KALRN: variants seen among roughly 807,000 people sequenced by gnomAD.
The protein encoded by KALRN is kalirin RhoGEF kinase, also known as kalirin.
In KALRN, 70 loss-of-function variants were observed where a neutral mutation model predicts 353.7. The ratio of observed to expected loss-of-function variants is 0.20; its 90% CI spans 0.16 to 0.24. The LOEUF is 0.24. KALRN is among the 10% of genes least tolerant of loss of function. The pLI is 1.00. For synonymous variants in KALRN, 1,391 were observed against 1,434.8 expected, an observed-to-expected ratio of 0.97 and a Z score of 0.69; for missense variants, 2,791 against 3,756.7, an observed-to-expected ratio of 0.74 and a Z score of 6.72.
chr3:124,062,677 A>G (rs145118463), intron 1 of KALRN, among the ~76,000 whole-genome samples: 213 of 152,320 alleles, frequency 1.4e-3, no homozygotes, highest in African/African-American at 5.0e-3. Flanking sequence ...TTTTAAAGTC[A>G]CGTGCTTCCT....
At chr3:124,652,854 G>A (rs1282850565) in intron 38 of KALRN, among the ~76,000 whole-genome samples, 2 of 152,242 alleles carry the variant, frequency 1.3e-5, no homozygotes, top group African/African-American at 2.4e-5. Context: ...TGGGATTACA[G>A]GCGTGAGCCA....
Position 124,638,249 on chromosome 3 carries a change from C to G in KALRN, c.5664+946C>G, listed in dbSNP as rs190194720. Among the ~76,000 whole-genome samples the G allele has an allele frequency of 7.2e-5, 11 of 152,122 alleles. No individual in the cohort carries two copies. In the East Asian group the frequency reaches 1.5e-3, roughly 21 times the overall value. ...TAATAATTTTGACTATAGTAACTCC[C>G]TTTTCAGATATCCCAGCATATACTA... On this transcript the variant is annotated intron_variant, in intron 37 of 59. Transcript: ENST00000682506.
chr3:124,537,024 T>G (rs1383914663), intron 33 of KALRN, among the ~76,000 whole-genome samples: 1 of 152,114 alleles, frequency 6.6e-6, no homozygotes, highest in Non-Finnish European at 1.5e-5. Flanking sequence ...CAGTTGACAA[T>G]AATTGAAAAC....
intron 33 of KALRN, among the ~76,000 whole-genome samples, chr3:124,527,905 G>A (rs554161138): frequency 6.6e-5 from 10 of 152,266 alleles, no homozygotes; most frequent in African/African-American, 2.4e-4. Context: ...AGTTCACATG[G>A]CGAGATTCGT....
At chr3:124,335,037 C>T (rs939556294) in intron 9 of KALRN, among the ~76,000 whole-genome samples, 5 of 152,258 alleles carry the variant, frequency 3.3e-5, no homozygotes, top group South Asian at 2.1e-4. Flanking sequence ...TCAGGTGACC[C>T]GCCCGCCTCG....
chr3:124,141,537 A>G (rs1217720280), intron 1 of KALRN, among the ~76,000 whole-genome samples: 1 of 152,200 alleles, frequency 6.6e-6, no homozygotes, highest in Non-Finnish European at 1.5e-5. Flanking sequence ...TCTTCCACAG[A>G]ATCCCCATTT....
At chr3:124,589,769 C>A (rs1255526803) in intron 34 of KALRN, among the ~76,000 whole-genome samples, 2 of 152,130 alleles carry the variant, frequency 1.3e-5, no homozygotes, top group South Asian at 2.1e-4. Context: ...TTCCAGGAAC[C>A]CCTGCGGGTA....
intron 25 of KALRN, among the ~76,000 whole-genome samples, chr3:124,467,818 G>A (rs1415372969): frequency 1.3e-5 from 2 of 152,144 alleles, no homozygotes. Flanking sequence ...GGAGGAGAGA[G>A]AGCTAGGTGG....
intron 1 of KALRN, among the ~76,000 whole-genome samples, chr3:124,037,205 T>C (rs1264232591): frequency 6.6e-6 from 1 of 152,262 alleles, no homozygotes; most frequent in African/African-American, 2.4e-5. Flanking sequence ...GTCTCTGTCC[T>C]CAAAGAACTT....
intron 33 of KALRN, among the ~76,000 whole-genome samples, chr3:124,526,410 C>T (rs1045831192): frequency 2.6e-5 from 4 of 151,708 alleles, no homozygotes; most frequent in Admixed American, 6.6e-5. Flanking sequence ...CTATCTCTAC[C>T]AAAAAAGATA....
intron 5 of KALRN, among the ~76,000 whole-genome samples, chr3:124,296,128 G>A (rs1443763078): frequency 1.3e-5 from 2 of 152,194 alleles, no homozygotes; most frequent in African/African-American, 2.4e-5. Flanking sequence ...GGAAGGTGAT[G>A]TTTTTATACT....
At chr3:124,103,444 G>T (rs940782423) in intron 1 of KALRN, among the ~76,000 whole-genome samples, 4 of 152,180 alleles carry the variant, frequency 2.6e-5, no homozygotes, top group Admixed American at 2.6e-4. Context: ...CAGAAGGCTA[G>T]TTGGATCCCC....
intron 11 of KALRN, among the ~76,000 whole-genome samples, chr3:124,386,143 G>A (rs2088268564): frequency 6.6e-6 from 1 of 152,134 alleles, no homozygotes; most frequent in African/African-American, 2.4e-5. Context: ...GCAGATGAAG[G>A]GCTGGCAAGC....
At chr3:124,376,506 C>T (rs1402416529) in intron 10 of KALRN, among the ~76,000 whole-genome samples, 1 of 152,174 alleles carries the variant, frequency 6.6e-6, no homozygotes, top group African/African-American at 2.4e-5. Context: ...TTCCCCACTA[C>T]AAGAGCCAAC....
intron 13 of KALRN, among the ~76,000 whole-genome samples, chr3:124,402,290 A>T (rs867433535): frequency 7.9e-5 from 12 of 152,358 alleles, no homozygotes; most frequent in Middle Eastern, 6.8e-3. Flanking sequence ...TAAATTTGTT[A>T]GTCAGATGTT....
chr3:124,638,611 C>T (rs769107136), intron 37 of KALRN, among the ~76,000 whole-genome samples: 1 of 152,072 alleles, frequency 6.6e-6, no homozygotes, highest in Non-Finnish European at 1.5e-5. Flanking sequence ...CTTTTACCAT[C>T]TGAGCATGGG....
At chr3:124,511,584 A>G (rs978433371) in intron 33 of KALRN, among the ~76,000 whole-genome samples, 1 of 152,018 alleles carries the variant, frequency 6.6e-6, no homozygotes, top group Non-Finnish European at 1.5e-5. Context: ...CCCAAACCAC[A>G]TAGCACTTTC....
chr3:124,056,088 T>C (rs1384885112), intron 1 of KALRN, among the ~76,000 whole-genome samples: 1 of 152,232 alleles, frequency 6.6e-6, no homozygotes, highest in East Asian at 1.9e-4. Flanking sequence ...GCAATTTATC[T>C]CTTCAAGCAT....
chr3:124,589,761 C>A (rs1302092852), intron 34 of KALRN, among the ~76,000 whole-genome samples: 3 of 152,136 alleles, frequency 2.0e-5, no homozygotes, highest in Non-Finnish European at 4.4e-5. Context: ...GGGATTGGTT[C>A]CAGGAACCCC....
Sources: gnomAD v4.1 joint callset for allele counts (sites outside exome capture counted in the v4.1 genomes callset) on GRCh38, gnomAD v4.1.1 for gene constraint, MANE v1.5 for transcripts, NCBI Gene and HGNC (gene_info 2026-07-23, HGNC 2026-07-21) for gene names.